CSGALNACT1: variants seen among roughly 807,000 people sequenced by gnomAD.
CSGALNACT1 encodes beta4GalNAcT-1.
In CSGALNACT1, 52 loss-of-function variants were observed where a neutral mutation model predicts 51.0. The ratio of observed to expected loss-of-function variants is 1.02; its 90% confidence interval spans 0.82 to 1.29. The LOEUF is 1.29. Ranked by LOEUF, CSGALNACT1 falls within the 50% of genes most tolerant of loss-of-function variation. The pLI is 0.00. For synonymous variants in CSGALNACT1, 341 were observed against 254.4 expected, an observed-to-expected ratio of 1.34 and a Z score of -3.24; for missense variants, 935 against 679.2, an observed-to-expected ratio of 1.38 and a Z score of -4.19.
chr8:19,512,437 C>T (rs1436580667), intron 3 of CSGALNACT1, among the ~76,000 whole-genome samples: 1 of 152,178 alleles, frequency 6.6e-6, no homozygotes, highest in Non-Finnish European at 1.5e-5. Flanking sequence ...ATGTTTGTTA[C>T]TTTAAGCTAA....
At chr8:19,620,854 C>T (rs2053731952) in intron 1 of CSGALNACT1, among the ~76,000 whole-genome samples, 1 of 152,138 alleles carries the variant, frequency 6.6e-6, no homozygotes, top group Non-Finnish European at 1.5e-5. Context: ...ACCAGATGCT[C>T]CTTCTCAAGT....
At chr8:19,688,414 A>C (rs2061098769) in intron 1 of CSGALNACT1, among the ~76,000 whole-genome samples, 1 of 152,192 alleles carries the variant, frequency 6.6e-6, no homozygotes, top group Non-Finnish European at 1.5e-5. Context: ...CTGAAGGGGA[A>C]GGCAAGGGGT....
intron 1 of CSGALNACT1, among the ~76,000 whole-genome samples, chr8:19,699,385 C>T (rs554952915): frequency 3.9e-5 from 6 of 152,148 alleles, no homozygotes; most frequent in Non-Finnish European, 7.4e-5. Flanking sequence ...GTGGAAACAA[C>T]CCAACTGTCC....
intron 4 of CSGALNACT1, among the ~76,000 whole-genome samples, chr8:19,459,006 C>G (rs896265594): frequency 1.3e-5 from 2 of 151,800 alleles, no homozygotes; most frequent in Non-Finnish European, 2.9e-5. Context: ...CTTCTAGTAT[C>G]CAAATTTCCT....
rs113639250 is a variant in CSGALNACT1 at position 19,727,579 on chromosome 8, G to T, written c.-297+30271C>A. 2.4e-3 allele frequency among the ~76,000 whole-genome samples: 364 copies of T among 152,264 alleles called. 1 individual carries two copies. Among genetic ancestry groups the T allele is most frequent in the African/African-American group, 8.5e-3 (352 of 41,560 alleles). ...TTGCCCAGGCTGGTCTCGAACTCCT[G>T]GGCTGAAGCGATCCAACCGCCTCAA... On this transcript the variant is annotated intron_variant, in intron 1 of 1. Transcript: ENST00000517494.
In CSGALNACT1 at chr8:19,740,217, A is replaced by C. The variant is rs557504812; in HGVS notation, c.-297+17633T>G. Among the ~76,000 whole-genome samples the C allele has an allele frequency of 8.1e-4, 123 of 152,260 alleles. 1 individual carries two copies. Among genetic ancestry groups the C allele is most frequent in the African/African-American group, 2.9e-3 (119 of 41,566 alleles). On this transcript the variant is annotated intron_variant, in intron 1 of 1. Transcript: ENST00000517494. ...CATCTGGTCCACAGGAAGCACACACAAATCTCTCCAACACGCTTGGCAGCG... is the reference window on the plus strand; with the variant it reads ...CATCTGGTCCACAGGAAGCACACACCAATCTCTCCAACACGCTTGGCAGCG...
In CSGALNACT1 at chr8:19,757,203, C is replaced by A. The variant is rs1265432429; in HGVS notation, c.-297+647G>T. The A allele has an allele frequency of 6.7e-6, 1 of 149,750 alleles. No individual in the cohort carries two copies. The highest frequency in any genetic ancestry group is 2.4e-5 in the African/African-American group (1 of 41,212). 9.3% of individuals were successfully genotyped at this position (149,750 alleles called of 1,614,324 possible). On this transcript the variant is annotated intron_variant, in intron 1 of 1. Coordinates refer to the CSGALNACT1 transcript ENST00000517494. This position sits in a 1 kb window ranked among gnomAD's most constrained non-coding sequence, Gnocchi z 4.0. ...CGACTCACCCGAAGCGCCCTGCTAGCTGCCCGGCCCGGCTCCGGCCGCTGC... is the reference window on the plus strand; with the variant it reads ...CGACTCACCCGAAGCGCCCTGCTAGATGCCCGGCCCGGCTCCGGCCGCTGC...
At chr8:19,680,612 C>T (rs1457427643) in intron 1 of CSGALNACT1, among the ~76,000 whole-genome samples, 1 of 129,434 alleles carries the variant, frequency 7.7e-6, no homozygotes, top group Non-Finnish European at 1.5e-5. Context: ...ATTTTAAATA[C>T]AGTATAACAA....
chr8:19,700,506 G>C (rs904480985), intron 1 of CSGALNACT1, among the ~76,000 whole-genome samples: 1 of 152,112 alleles, frequency 6.6e-6, no homozygotes, highest in East Asian at 1.9e-4. Context: ...TGATAGAAAG[G>C]ATACGGACCG....
intron 6 of CSGALNACT1, among the ~76,000 whole-genome samples, chr8:19,430,776 CGACT>C (rs2059536985): frequency 6.6e-6 from 1 of 152,084 alleles, no homozygotes; most frequent in South Asian, 2.1e-4. Context: ...AACTATAGAT[CGACT>C]GACTGAGTAC....
chr8:19,673,450 G>T (rs1286936051), intron 1 of CSGALNACT1, among the ~76,000 whole-genome samples: 1 of 152,196 alleles, frequency 6.6e-6, no homozygotes, highest in Non-Finnish European at 1.5e-5. Context: ...AGACGGCAGG[G>T]ATAATGAGAC....
chr8:19,735,523 AC>A (rs34868984), intron 1 of CSGALNACT1, among the ~76,000 whole-genome samples: 34,573 of 152,068 alleles, frequency 0.23, 4,314 homozygotes, highest in African/African-American at 0.33. Context: ...CAGAAAAAAA[AC>A]CATGCTGCAA....
At chr8:19,574,090 G>A (rs569295163) in intron 3 of CSGALNACT1, among the ~76,000 whole-genome samples, 1 of 152,260 alleles carries the variant, frequency 6.6e-6, no homozygotes, top group African/African-American at 2.4e-5. Context: ...GGCTGGTTTT[G>A]TAGAGATGGC....
intron 3 of CSGALNACT1, among the ~76,000 whole-genome samples, chr8:19,530,079 A>G (rs1435569674): frequency 6.6e-6 from 1 of 152,038 alleles, no homozygotes; most frequent in African/African-American, 2.4e-5. Flanking sequence ...ATAATTAGCC[A>G]GGCATAGTGG....
In CSGALNACT1 at chr8:19,694,859, A is replaced by C. The variant is rs559095980; in HGVS notation, c.-297+62991T>G. Among the ~76,000 whole-genome samples the C allele has an allele frequency of 2.0e-5, 3 of 152,340 alleles. No homozygotes were observed. In the East Asian group the frequency reaches 5.8e-4, roughly 29 times the overall value. On this transcript the variant is annotated intron_variant, in intron 1 of 1. Transcript: ENST00000517494. Reference sequence around the variant, plus strand: ...GCAGGTTATTTTCTAAAATGATCCAATGCACTAATGCATAAGGTCCCCAAA... The same window carrying C: ...GCAGGTTATTTTCTAAAATGATCCACTGCACTAATGCATAAGGTCCCCAAA...
chr8:19,457,097 C>A (rs1174991034), intron 5 of CSGALNACT1, among the ~76,000 whole-genome samples: 1 of 152,152 alleles, frequency 6.6e-6, no homozygotes, highest in Non-Finnish European at 1.5e-5. Flanking sequence ...CACACATTGC[C>A]TAGAGAACCC....
intron 1 of CSGALNACT1, among the ~76,000 whole-genome samples, chr8:19,680,850 G>A (rs1204588165): frequency 6.6e-6 from 1 of 152,032 alleles, no homozygotes; most frequent in African/African-American, 2.4e-5. Context: ...AACCATTACT[G>A]AATATCAACC....
intron 1 of CSGALNACT1, among the ~76,000 whole-genome samples, chr8:19,661,247 G>A (rs1349262619): frequency 6.6e-6 from 1 of 152,054 alleles, no homozygotes; most frequent in African/African-American, 2.4e-5. Flanking sequence ...GGAGCCACAA[G>A]GCCTCTCCCA....
chr8:19,694,209 T>C (rs766816593), intron 1 of CSGALNACT1, among the ~76,000 whole-genome samples: 17 of 152,180 alleles, frequency 1.1e-4, no homozygotes, highest in Non-Finnish European at 2.2e-4. Context: ...CACTTCCTTT[T>C]GGCTACAAAG....
Sources: gnomAD v4.1 joint callset for allele counts (sites outside exome capture counted in the v4.1 genomes callset) on GRCh38, gnomAD v4.1.1 for gene constraint, Gnocchi (gnomAD v3.1) non-coding constraint, MANE v1.5 for transcripts, NCBI Gene and HGNC (gene_info 2026-07-23, HGNC 2026-07-21) for gene names.